The following MED27 variants were observed in gnomAD, a reference collection of about 807,000 sequenced individuals.
MED27 encodes the protein mediator complex subunit 27.
A neutral mutation model predicts 38.2 loss-of-function variants in MED27; 30 were observed. That is an observed-to-expected ratio of 0.79 (90% CI 0.59 to 1.07). The LOEUF (loss-of-function observed/expected upper bound fraction) is 1.07, where lower values mean the gene tolerates loss of function less well. Ranked by LOEUF, MED27 falls within the 50% of genes least tolerant of loss-of-function variation. MED27 has a pLI of 0.00. For synonymous variants in MED27, 122 were observed against 153.5 expected, an observed-to-expected ratio of 0.79 and a Z score of 1.52; for missense variants, 289 against 397.5, an observed-to-expected ratio of 0.73 and a Z score of 2.32.
intron 1 of MED27, among the ~76,000 whole-genome samples, chr9:132,078,879 A>G (rs1834112997): frequency 6.6e-6 from 1 of 152,220 alleles, no homozygotes; most frequent in South Asian, 2.1e-4. Context: ...CAGGCCCTTT[A>G]CAAACATCCT....
At chr9:131,916,464 T>C (rs1334682725) in intron 4 of MED27, among the ~76,000 whole-genome samples, 4 of 152,222 alleles carry the variant, frequency 2.6e-5, no homozygotes, top group Non-Finnish European at 5.9e-5. Context: ...GGCACATTAT[T>C]GACTGCAGTG....
intron 2 of MED27, among the ~76,000 whole-genome samples, chr9:132,029,794 G>C (rs566421049): frequency 6.8e-6 from 1 of 147,196 alleles, no homozygotes; most frequent in South Asian, 2.3e-4. Flanking sequence ...CAGGGGAAAT[G>C]ATGTTTTAAT....
chr9:132,061,133 A>AG (rs1055932516), intron 2 of MED27, among the ~76,000 whole-genome samples: 1 of 152,226 alleles, frequency 6.6e-6, no homozygotes, highest in African/African-American at 2.4e-5. Context: ...TAGGATAGAA[A>AG]GGGGGGCGGC....
chr9:132,040,330 A>C (rs753345710), intron 2 of MED27, among the ~76,000 whole-genome samples: 3 of 152,222 alleles, frequency 2.0e-5, no homozygotes, highest in Non-Finnish European at 4.4e-5. Context: ...GAATACTTTA[A>C]ACCAAACTAG....
At chr9:131,873,190 G>C (rs1441673853) in intron 6 of MED27, among the ~76,000 whole-genome samples, 2 of 152,216 alleles carry the variant, frequency 1.3e-5, no homozygotes, top group Non-Finnish European at 2.9e-5. Context: ...TGTGGGTCCT[G>C]TGGGCAAAGA....
chr9:131,948,216 G>C (rs2130980846), intron 3 of MED27, among the ~76,000 whole-genome samples: 1 of 152,246 alleles, frequency 6.6e-6, no homozygotes, highest in East Asian at 1.9e-4. Context: ...CGGGTACAGT[G>C]GTTCACGCCT....
At chr9:132,040,843 T>C (rs571735543) in intron 2 of MED27, among the ~76,000 whole-genome samples, 1 of 152,190 alleles carries the variant, frequency 6.6e-6, no homozygotes, top group Middle Eastern at 3.2e-3. Context: ...ATATGCTTTG[T>C]CAAACAACTA....
intron 3 of MED27, among the ~76,000 whole-genome samples, chr9:131,941,028 T>C (rs1021010644): frequency 8.5e-5 from 13 of 152,202 alleles, no homozygotes; most frequent in Admixed American, 6.5e-4. Context: ...CCTCTCTTAC[T>C]GGGATAAATT....
intron 4 of MED27, 62 bp from the exon 5 acceptor site, chr9:131,894,054 G>T: frequency 1.5e-6 from 2 of 1,363,974 alleles, no homozygotes; most frequent in Non-Finnish European, 2.1e-6. Flanking sequence ...GGGCAGGGGT[G>T]TGAGAAGAAA....
At chr9:132,028,794 A>G (rs1832885008) in intron 2 of MED27, among the ~76,000 whole-genome samples, 1 of 152,208 alleles carries the variant, frequency 6.6e-6, no homozygotes, top group Non-Finnish European at 1.5e-5. Flanking sequence ...CCAAAAGTGC[A>G]GATTCCAGGG....
At chr9:131,984,710 T>C (rs1831811712) in intron 3 of MED27, among the ~76,000 whole-genome samples, 1 of 152,178 alleles carries the variant, frequency 6.6e-6, no homozygotes, top group Admixed American at 6.5e-5. Context: ...GCTTCTCTGA[T>C]TTTCCATCTT....
intron 2 of MED27, among the ~76,000 whole-genome samples, chr9:132,047,552 G>GA (rs996434241): frequency 1.3e-4 from 18 of 142,372 alleles, no homozygotes; most frequent in South Asian, 4.4e-4. Flanking sequence ...TCCAAATCAC[G>GA]AAAAAAAAAA....
intron 4 of MED27, among the ~76,000 whole-genome samples, chr9:131,927,862 A>G (rs1480724881): frequency 6.6e-6 from 1 of 152,202 alleles, no homozygotes; most frequent in Non-Finnish European, 1.5e-5. Flanking sequence ...TGGACCTGCC[A>G]CGAGGGACAA....
intron 4 of MED27, among the ~76,000 whole-genome samples, chr9:131,926,589 G>T (rs1320889173): frequency 6.6e-6 from 1 of 152,198 alleles, no homozygotes; most frequent in South Asian, 2.1e-4. Flanking sequence ...CACAAACTAC[G>T]CTGGTGACTC....
intron 2 of MED27, among the ~76,000 whole-genome samples, chr9:132,028,478 C>T (rs1832875612): frequency 6.6e-6 from 1 of 151,318 alleles, no homozygotes; most frequent in South Asian, 2.1e-4. Flanking sequence ...CAGTGCTTGG[C>T]ACATAGCCAT....
intron 3 of MED27, among the ~76,000 whole-genome samples, chr9:131,987,205 T>C (rs1434281326): frequency 6.6e-6 from 1 of 152,118 alleles, no homozygotes; most frequent in African/African-American, 2.4e-5. Context: ...AGTCCCTTCC[T>C]GTGACTGACT....
At chr9:131,907,183 G>C (rs976008454) in intron 4 of MED27, among the ~76,000 whole-genome samples, 1 of 152,088 alleles carries the variant, frequency 6.6e-6, no homozygotes, top group African/African-American at 2.4e-5. Context: ...CTGTGACTAA[G>C]AATGCCTAAC....
intron 3 of MED27, among the ~76,000 whole-genome samples, chr9:131,973,457 CTTT>C (rs747946439): frequency 3.4e-4 from 41 of 122,160 alleles, no homozygotes; most frequent in African/African-American, 1.0e-3. Flanking sequence ...TTTTTCTTTT[CTTT>C]TTTTTTTTTT....
intron 2 of MED27, among the ~76,000 whole-genome samples, chr9:132,060,023 C>A (rs1393522096): frequency 6.6e-6 from 1 of 152,136 alleles, no homozygotes; most frequent in East Asian, 1.9e-4. Context: ...GTCAAGCAAC[C>A]TACCCAAGGA....
Sources: allele counts gnomAD v4.1 joint callset (sites outside exome capture counted in the v4.1 genomes callset), GRCh38; gene constraint gnomAD v4.1.1; transcripts MANE v1.5; gene names NCBI Gene and HGNC (gene_info 2026-07-23, HGNC 2026-07-21).